B3GALT1: variants seen among roughly 807,000 people sequenced by gnomAD.
B3GALT1 encodes the protein UDP-Gal:betaGlcNAc beta 1,3-galactosyltransferase, polypeptide 1.
A neutral mutation model predicts 23.2 loss-of-function variants in B3GALT1; 10 were observed. The observed-to-expected ratio is 0.43, with a 90% CI of 0.27 to 0.73. B3GALT1 has a LOEUF of 0.73. Ranked by LOEUF, B3GALT1 falls within the 30% of genes least tolerant of loss-of-function variation. B3GALT1 has a pLI of 0.21. For synonymous variants in B3GALT1, 156 were observed against 141.5 expected (o/e 1.10, Z -0.73); for missense variants, 299 against 405.4 (o/e 0.74, Z 2.25).
chr2:167,695,956 T>G (rs1168466986), intron 3 of B3GALT1, among the ~76,000 whole-genome samples: 1 of 152,128 alleles, frequency 6.6e-6, no homozygotes, highest in African/African-American at 2.4e-5. Flanking sequence ...TTTTCTTTTT[T>G]AAGAAGTTAT....
At chr2:167,356,090 T>G (rs1001871226) in intron 1 of B3GALT1, among the ~76,000 whole-genome samples, 4 of 152,144 alleles carry the variant, frequency 2.6e-5, no homozygotes, top group Admixed American at 2.6e-4. Context: ...AGCCCAAGAT[T>G]GGTTAAATCT....
At chr2:167,606,066 C>T (rs904865692) in intron 2 of B3GALT1, among the ~76,000 whole-genome samples, 3 of 152,066 alleles carry the variant, frequency 2.0e-5, no homozygotes, top group East Asian at 1.9e-4. Context: ...TTTTTTAAAG[C>T]GTATAAGGCT....
At chr2:167,716,485 A>G (rs1687149259) in intron 3 of B3GALT1, among the ~76,000 whole-genome samples, 5 of 152,192 alleles carry the variant, frequency 3.3e-5, no homozygotes, top group Admixed American at 3.3e-4. Flanking sequence ...ACGTACAGGC[A>G]CTGTTGCTTT....
At chr2:167,783,328 A>G (rs11691258) in intron 3 of B3GALT1, among the ~76,000 whole-genome samples, 19,211 of 152,090 alleles carry the variant, frequency 0.13, 1,361 homozygotes, top group East Asian at 0.25. Flanking sequence ...CGTGTTAACT[A>G]CAACTGGTAG....
chr2:167,350,408 G>C (rs1697291680), intron 1 of B3GALT1, among the ~76,000 whole-genome samples: 1 of 152,118 alleles, frequency 6.6e-6, no homozygotes, highest in Non-Finnish European at 1.5e-5. Flanking sequence ...CTTGTTTGTA[G>C]TCTTTTAAGA....
intron 3 of B3GALT1, among the ~76,000 whole-genome samples, chr2:167,659,242 T>A (rs1424917643): frequency 6.6e-6 from 1 of 151,806 alleles, no homozygotes. Flanking sequence ...CATGTGTTTT[T>A]TTTTTGGTGG....
At chr2:167,479,233 G>T (rs957840029) in intron 1 of B3GALT1, among the ~76,000 whole-genome samples, 8 of 151,908 alleles carry the variant, frequency 5.3e-5, no homozygotes, top group African/African-American at 1.9e-4. Context: ...TAAATGAGGT[G>T]GTACAGGCAA....
At chr2:167,326,191 T>G (rs576590435) in intron 1 of B3GALT1, among the ~76,000 whole-genome samples, 2 of 115,270 alleles carry the variant, frequency 1.7e-5, no homozygotes, top group African/African-American at 5.5e-5. Context: ...TGATGTTGAG[T>G]TTTTTTTTTT....
intron 1 of B3GALT1, among the ~76,000 whole-genome samples, chr2:167,364,498 C>T (rs1050836670): frequency 1.3e-5 from 2 of 152,070 alleles, no homozygotes; most frequent in Non-Finnish European, 2.9e-5. Flanking sequence ...CTCCCCCCAC[C>T]CCACAACAGG....
At chr2:167,452,010 C>T (rs1215619613) in intron 1 of B3GALT1, among the ~76,000 whole-genome samples, 1 of 152,136 alleles carries the variant, frequency 6.6e-6, no homozygotes, top group Non-Finnish European at 1.5e-5. Context: ...GCCCAAGAGG[C>T]TGGTCTCACT....
chr2:167,633,382 G>C (rs1685487291), intron 2 of B3GALT1, among the ~76,000 whole-genome samples: 1 of 151,788 alleles, frequency 6.6e-6, no homozygotes, highest in Middle Eastern at 3.2e-3. Flanking sequence ...CTTGGATAAA[G>C]AGTCAAGACC....
chr2:167,345,465 A>G (rs1697212582), intron 1 of B3GALT1, among the ~76,000 whole-genome samples: 1 of 152,118 alleles, frequency 6.6e-6, no homozygotes, highest in South Asian at 2.1e-4. Context: ...GGATTTTTGA[A>G]GTTTTGATTA....
chr2:167,816,757 A>T (rs192790208), intron 3 of B3GALT1, among the ~76,000 whole-genome samples: 1 of 152,226 alleles, frequency 6.6e-6, no homozygotes. Flanking sequence ...CATTCAGTAC[A>T]TGTTTAAATT....
intron 2 of B3GALT1, among the ~76,000 whole-genome samples, chr2:167,573,816 G>C (rs567570456): frequency 1.3e-5 from 2 of 151,508 alleles, no homozygotes; most frequent in Admixed American, 1.3e-4. Context: ...CTTATGGGGG[G>C]CAGTCAGAGG....
chr2:167,801,930 T>G (rs1688644346), intron 3 of B3GALT1, among the ~76,000 whole-genome samples: 1 of 152,182 alleles, frequency 6.6e-6, no homozygotes, highest in Non-Finnish European at 1.5e-5. Flanking sequence ...CCAGCTCTCA[T>G]AGAGTTACAC....
chr2:167,508,865 T>G (rs1375406557), intron 2 of B3GALT1, among the ~76,000 whole-genome samples: 1 of 152,174 alleles, frequency 6.6e-6, no homozygotes, highest in Non-Finnish European at 1.5e-5. Context: ...AATTCAAAGG[T>G]ACATGACAAA....
intron 1 of B3GALT1, among the ~76,000 whole-genome samples, chr2:167,337,874 A>G (rs1435316347): frequency 1.3e-5 from 2 of 152,296 alleles, no homozygotes; most frequent in East Asian, 1.9e-4. Flanking sequence ...AATAATCAAT[A>G]TTATTACTCA....
At chr2:167,844,298 G>A (rs1003194723) in intron 4 of B3GALT1, among the ~76,000 whole-genome samples, 2 of 152,158 alleles carry the variant, frequency 1.3e-5, no homozygotes, top group African/African-American at 2.4e-5. Flanking sequence ...GCAGAGACTC[G>A]CATTATGAAT....
At chr2:167,607,986 C>T (rs1464824785) in intron 2 of B3GALT1, among the ~76,000 whole-genome samples, 1 of 152,294 alleles carries the variant, frequency 6.6e-6, no homozygotes, top group African/African-American at 2.4e-5. Context: ...AATCTTGTGA[C>T]ATTTAATAAG....
Sources: allele counts gnomAD v4.1 joint callset (sites outside exome capture counted in the v4.1 genomes callset), GRCh38; gene constraint gnomAD v4.1.1; transcripts MANE v1.5; gene names NCBI Gene and HGNC (gene_info 2026-07-23, HGNC 2026-07-21).